Variants in CCDC146 observed in about 807,000 individuals in gnomAD.
CCDC146 encodes coiled-coil domain containing 146, also known as coiled-coil domain-containing protein 146.
Under a neutral mutation model 119.3 loss-of-function variants are expected in CCDC146, and 92 were observed. The observed-to-expected ratio is 0.77, with a 90% CI of 0.65 to 0.92. CCDC146 has a LOEUF of 0.92. Ranked by LOEUF, CCDC146 falls within the 40% of genes least tolerant of loss-of-function variation. The pLI, the probability that CCDC146 is intolerant of heterozygous loss-of-function variation, is 0.00. For missense variants in CCDC146, 1,000 were observed against 1,103.0 expected, an observed-to-expected ratio of 0.91 and a Z score of 1.32; for synonymous variants, 372 against 371.8, an observed-to-expected ratio of 1.00 and a Z score of -0.01.
At chr7:77,176,286 G>A (rs1160273417) in intron 2 of CCDC146, among the ~76,000 whole-genome samples, 1 of 151,136 alleles carries the variant, frequency 6.6e-6, no homozygotes, top group Non-Finnish European at 1.5e-5. Flanking sequence ...CATCTCACCA[G>A]TTAGAATGCC....
At chr7:77,184,728 G>C (rs985356459) in intron 2 of CCDC146, among the ~76,000 whole-genome samples, 29 of 152,122 alleles carry the variant, frequency 1.9e-4, no homozygotes, top group African/African-American at 7.0e-4. Flanking sequence ...TTCTGTCATG[G>C]TTGTTGTAAA....
chr7:77,133,799 G>C (rs1439646356), intron 1 of CCDC146, among the ~76,000 whole-genome samples: 5 of 149,962 alleles, frequency 3.3e-5, no homozygotes, highest in African/African-American at 1.2e-4. Flanking sequence ...AAGCTGAACA[G>C]ACTGAAAAAT....
intron 2 of CCDC146, 26 bp from the exon 3 acceptor site, chr7:77,236,921 C>T (rs1792746693): frequency 6.4e-7 from 1 of 1,559,004 alleles, no homozygotes; most frequent in Non-Finnish European, 8.9e-7. Context: ...TGGTGATTAA[C>T]AGTGACCTTA....
chr7:77,273,140 C>T (rs1793558295), intron 9 of CCDC146, among the ~76,000 whole-genome samples: 1 of 152,190 alleles, frequency 6.6e-6, no homozygotes, highest in South Asian at 2.1e-4. Context: ...TTTACACCTG[C>T]ACCATTGAGG....
chr7:77,167,309 A>G (rs556597245), intron 1 of CCDC146, among the ~76,000 whole-genome samples: 76 of 152,234 alleles, frequency 5.0e-4, no homozygotes, highest in African/African-American at 1.6e-3. Flanking sequence ...ATAGCTGGAG[A>G]GGTTTCTGGC....
intron 2 of CCDC146, among the ~76,000 whole-genome samples, chr7:77,229,251 A>AT (rs375523143): frequency 3.9e-5 from 6 of 152,066 alleles, no homozygotes; most frequent in Non-Finnish European, 8.8e-5. Context: ...GTTTGCAAAA[A>AT]TTTTTCCCAT....
chr7:77,259,937 CAAGTGTGT>C, intron 7 of CCDC146, 64 bp from the exon 8 acceptor site: 1 of 901,470 alleles, frequency 1.1e-6, no homozygotes, highest in East Asian at 2.8e-5. Flanking sequence ...CAAAATAAGG[CAAGTGTGT>C]GTGTGTGTGT....
At chr7:77,221,076 T>A (rs1792394895) in intron 2 of CCDC146, among the ~76,000 whole-genome samples, 1 of 152,052 alleles carries the variant, frequency 6.6e-6, no homozygotes, top group African/African-American at 2.4e-5. Flanking sequence ...AGGGAGGTGC[T>A]ACACAGTTTA....
intron 2 of CCDC146, among the ~76,000 whole-genome samples, chr7:77,232,733 A>G (rs1355731603): frequency 6.6e-6 from 1 of 152,208 alleles, no homozygotes; most frequent in African/African-American, 2.4e-5. Context: ...GGGAGTGAGT[A>G]CTGGCACTAC....
At chr7:77,147,081 C>A (rs1362199270) in intron 1 of CCDC146, among the ~76,000 whole-genome samples, 1 of 152,134 alleles carries the variant, frequency 6.6e-6, no homozygotes, top group African/African-American at 2.4e-5. Flanking sequence ...TCACATAGTC[C>A]CGTATTTCTC....
chr7:77,290,069 G>T (rs528830646), intron 17 of CCDC146, among the ~76,000 whole-genome samples: 2 of 152,028 alleles, frequency 1.3e-5, no homozygotes, highest in East Asian at 3.9e-4. Context: ...GCCAAAAAAA[G>T]GATGAGTTCA....
intron 2 of CCDC146, among the ~76,000 whole-genome samples, chr7:77,179,556 T>G (rs1360983243): frequency 2.0e-5 from 3 of 152,178 alleles, no homozygotes; most frequent in African/African-American, 7.2e-5. Context: ...AACTAGTTCC[T>G]TATTATGAGA....
At chr7:77,216,365 A>T (rs543265034) in intron 2 of CCDC146, among the ~76,000 whole-genome samples, 4 of 152,224 alleles carry the variant, frequency 2.6e-5, no homozygotes, top group African/African-American at 9.6e-5. Flanking sequence ...TGCGCTTCAC[A>T]CTGCCTCTAT....
chr7:77,259,314 T>G, intron 7 of CCDC146: 1 of 375,750 alleles, frequency 2.7e-6, no homozygotes, highest in East Asian at 4.9e-5. Flanking sequence ...TAAATCATAT[T>G]TTTATGGAGA....
intron 1 of CCDC146, 97 bp from the exon 2 acceptor site, chr7:77,167,561 A>G: frequency 1.1e-6 from 1 of 930,314 alleles, no homozygotes; most frequent in Non-Finnish European, 1.5e-6. Context: ...ACAATAGCTT[A>G]TTCCAGTTTT....
intron 2 of CCDC146, among the ~76,000 whole-genome samples, chr7:77,186,044 G>A (rs1432833744): frequency 6.6e-6 from 1 of 152,186 alleles, no homozygotes; most frequent in Non-Finnish European, 1.5e-5. Context: ...CTGTTGGTGG[G>A]AATGTAAATT....
intron 2 of CCDC146, among the ~76,000 whole-genome samples, chr7:77,203,581 C>T (rs1281744522): frequency 6.6e-6 from 1 of 152,014 alleles, no homozygotes; most frequent in Non-Finnish European, 1.5e-5. Context: ...AAAATCGAAA[C>T]CTGAAGAGCT....
chr7:77,216,301 G>T (rs1057090321), intron 2 of CCDC146, among the ~76,000 whole-genome samples: 1 of 151,974 alleles, frequency 6.6e-6, no homozygotes. Flanking sequence ...GATACTGTCC[G>T]CCCCCAGATG....
intron 1 of CCDC146, among the ~76,000 whole-genome samples, chr7:77,161,753 A>G (rs1358148756): frequency 6.6e-6 from 1 of 152,020 alleles, no homozygotes; most frequent in East Asian, 1.9e-4. Context: ...TAACCTGCAC[A>G]TTGTGCACAT....
Sources: allele counts gnomAD v4.1 joint callset (sites outside exome capture counted in the v4.1 genomes callset), GRCh38; gene constraint gnomAD v4.1.1; transcripts MANE v1.5; gene names NCBI Gene and HGNC (gene_info 2026-07-23, HGNC 2026-07-21).